The following PPM1L variants were observed in gnomAD, a reference collection of about 807,000 sequenced individuals.
The protein encoded by PPM1L is protein phosphatase 1L.
Under a neutral mutation model 31.4 loss-of-function variants are expected in PPM1L, and 13 were observed. The observed-to-expected ratio is 0.41, with a 90% CI of 0.27 to 0.66. The LOEUF is 0.66. PPM1L is among the 30% of genes least tolerant of loss of function. The pLI, the probability that PPM1L is intolerant of heterozygous loss-of-function variation, is 0.29. For missense variants in PPM1L, 326 were observed against 453.7 expected (o/e 0.72, Z 2.56); for synonymous variants, 184 against 175.4 (o/e 1.05, Z -0.39).
At chr3:161,047,013 C>A (rs961170789) in intron 2 of PPM1L, among the ~76,000 whole-genome samples, 3 of 152,126 alleles carry the variant, frequency 2.0e-5, no homozygotes, top group Non-Finnish European at 2.9e-5. Context: ...GGAGGCATTC[C>A]CTTTGAAAAC....
intron 1 of PPM1L, among the ~76,000 whole-genome samples, chr3:160,861,674 A>T (rs75207282): frequency 0.012 from 1,893 of 152,294 alleles, 39 homozygotes; most frequent in African/African-American, 0.044. Flanking sequence ...TACAAAAAAA[A>T]ATCTAGTGGT....
In PPM1L at chr3:161,069,272, T is replaced by TC. The variant is rs747151319; in HGVS notation, c.*121dup. 4.8e-5 allele frequency: 38 copies of TC among 796,686 alleles called. No individual in the cohort carries two copies. The East Asian group carries it at 8.3e-4, about 17-fold the overall frequency. The allele number at this position is 796,686 out of a possible 1,614,324, so 49.4% of individuals were successfully genotyped here. A position where few individuals can be genotyped will look rare whatever the true frequency, so the allele number is the denominator to read the frequency against. On this transcript the variant is annotated 3_prime_UTR_variant, in exon 4 of 4. Transcript: ENST00000498165. ...AGGATCATCCACCCCAGACATGGAA[T>TC]CCCCCCTCCCTGGTGGTCTTAGGTC... is the stretch of plus-strand genomic sequence containing the variant.
intron 2 of PPM1L, among the ~76,000 whole-genome samples, chr3:161,064,186 A>T (rs750868536): frequency 7.9e-5 from 11 of 139,940 alleles, no homozygotes; most frequent in Non-Finnish European, 1.7e-4. Context: ...AAGTAAAATT[A>T]AAAAAAAAAA....
In PPM1L at chr3:161,003,847, A is replaced by G. The variant is rs1304996231; in HGVS notation, c.574+41937A>G. Among the ~76,000 whole-genome samples the G allele has an allele frequency of 2.3e-3, 352 of 151,260 alleles. 2 individuals carry two copies. The highest frequency in any genetic ancestry group is 0.01 in the Middle Eastern group (3 of 294). On this transcript the variant is annotated intron_variant, in intron 2 of 3. Transcript: ENST00000498165. ...ACCCTTTATTTCCTTCTCCTGCCTA[A>G]TTGCCCTGGCCAGAACTTCCAACAC...
chr3:160,823,045 A>C (rs1405626313), intron 1 of PPM1L, among the ~76,000 whole-genome samples: 2 of 152,082 alleles, frequency 1.3e-5, no homozygotes, highest in Non-Finnish European at 2.9e-5. Flanking sequence ...TCACAAAGAG[A>C]TAGAACTATC....
At chr3:160,931,520 C>T (rs1158083211) in intron 1 of PPM1L, among the ~76,000 whole-genome samples, 1 of 152,214 alleles carries the variant, frequency 6.6e-6, no homozygotes, top group Non-Finnish European at 1.5e-5. Context: ...CAAGACATCA[C>T]ACATTGTCAT....
chr3:161,049,277 C>CA lies in PPM1L; in HGVS notation c.575-16116dup, dbSNP rs919176705. Reference sequence around the variant, plus strand: ...TGGGCAGCAAAGTGAGATCCTGTCTCAAAAAAAAAACCAAACCAAAACAAA... The same window carrying CA: ...TGGGCAGCAAAGTGAGATCCTGTCTCAAAAAAAAAAACCAAACCAAAACAAA... On this transcript the variant is annotated intron_variant, in intron 2 of 3. Coordinates refer to ENST00000498165, the MANE Select transcript of PPM1L (RefSeq NM_139245.4). Among the ~76,000 whole-genome samples, 618 of 139,964 alleles carry CA rather than the reference C, an allele frequency of 4.4e-3. 7 individuals carry two copies. Among genetic ancestry groups the CA allele is most frequent in the African/African-American group, 0.013 (485 of 38,270 alleles). The allele number at this position is 139,964 out of a possible 152,430, so 91.8% of individuals were successfully genotyped here.
intron 1 of PPM1L, among the ~76,000 whole-genome samples, chr3:160,827,987 T>G (rs1418442749): frequency 6.6e-6 from 1 of 151,864 alleles, no homozygotes; most frequent in Non-Finnish European, 1.5e-5. Context: ...CCACACACTT[T>G]TAAACAACCA....
chr3:160,857,736 C>T (rs1711760930), intron 1 of PPM1L, among the ~76,000 whole-genome samples: 1 of 152,170 alleles, frequency 6.6e-6, no homozygotes, highest in Admixed American at 6.6e-5. Context: ...CAAATAATTA[C>T]AGCCTAAAAT....
chr3:160,975,191 G>A (rs573340674), intron 2 of PPM1L, among the ~76,000 whole-genome samples: 12 of 152,134 alleles, frequency 7.9e-5, no homozygotes, highest in South Asian at 6.2e-4. Flanking sequence ...GTAGATATGC[G>A]GCGTTATTTC....
At chr3:160,859,882 C>T (rs1839017) in intron 1 of PPM1L, among the ~76,000 whole-genome samples, 65,493 of 151,958 alleles carry the variant, frequency 0.43, 14,735 homozygotes, top group East Asian at 0.6. Flanking sequence ...AACTTGGATG[C>T]GGAAGCCTCT....
At chr3:160,916,445 C>T (rs544796493) in intron 1 of PPM1L, among the ~76,000 whole-genome samples, 2 of 152,114 alleles carry the variant, frequency 1.3e-5, no homozygotes, top group Admixed American at 1.3e-4. Flanking sequence ...CAGTGCATTA[C>T]TGTAATAAAA....
At chr3:160,916,430 G>C (rs1336136035) in intron 1 of PPM1L, among the ~76,000 whole-genome samples, 1 of 152,036 alleles carries the variant, frequency 6.6e-6, no homozygotes, top group African/African-American at 2.4e-5. Context: ...CCATGATAGT[G>C]CTTTCAGTGC....
intron 2 of PPM1L, among the ~76,000 whole-genome samples, chr3:161,060,469 G>C (rs932158819): frequency 1.3e-5 from 2 of 152,178 alleles, no homozygotes; most frequent in Non-Finnish European, 2.9e-5. Flanking sequence ...TAAAATGACA[G>C]TGGTTGGGAC....
At chr3:160,979,656 A>G (rs756834625) in intron 2 of PPM1L, among the ~76,000 whole-genome samples, 1 of 152,124 alleles carries the variant, frequency 6.6e-6, no homozygotes. Context: ...GGAATGAGGA[A>G]TTGAGGAAGG....
intron 2 of PPM1L, among the ~76,000 whole-genome samples, chr3:161,050,307 A>C (rs1337472751): frequency 6.6e-6 from 1 of 152,250 alleles, no homozygotes; most frequent in Non-Finnish European, 1.5e-5. Context: ...GTCATTGTAG[A>C]CCATGACAAA....
chr3:160,775,319 A>G (rs1005821020), intron 1 of PPM1L, among the ~76,000 whole-genome samples: 2 of 152,240 alleles, frequency 1.3e-5, no homozygotes, highest in African/African-American at 4.8e-5. Context: ...GCATTCATAT[A>G]GGGGTTACAC....
chr3:160,950,083 C>T (rs963579939), intron 1 of PPM1L, among the ~76,000 whole-genome samples: 4 of 152,082 alleles, frequency 2.6e-5, no homozygotes, highest in African/African-American at 9.7e-5. Flanking sequence ...GTGTTTTCCT[C>T]CACACAAAGT....
chr3:160,792,936 G>A (rs1712144917), intron 1 of PPM1L, among the ~76,000 whole-genome samples: 1 of 152,200 alleles, frequency 6.6e-6, no homozygotes, highest in Non-Finnish European at 1.5e-5. Flanking sequence ...AGCTCATTGA[G>A]GAATGTTCCT....
Sources: gnomAD v4.1 joint callset for allele counts (sites outside exome capture counted in the v4.1 genomes callset) on GRCh38, gnomAD v4.1.1 for gene constraint, MANE v1.5 for transcripts, NCBI Gene and HGNC (gene_info 2026-07-23, HGNC 2026-07-21) for gene names.